The following ENOX1 variants were observed in gnomAD, a reference collection of about 807,000 sequenced individuals.
ENOX1 encodes ecto-NOX disulfide-thiol exchanger 1, also known as candidate growth-related and time keeping constitutive hydroquinone (NADH) oxidase.
ENOX1 carries 42 observed loss-of-function variants against 82.5 expected under a neutral mutation model. The observed-to-expected ratio is 0.51, with a 90% CI of 0.40 to 0.66. ENOX1 has a LOEUF of 0.66. ENOX1 is among the 30% of genes least tolerant of loss of function. The pLI, the probability that ENOX1 is intolerant of heterozygous loss-of-function variation, is 0.00. For synonymous variants in ENOX1, 271 were observed against 282.2 expected (o/e 0.96, Z 0.40); for missense variants, 608 against 811.6 (o/e 0.75, Z 3.05).
intron 2 of ENOX1, among the ~76,000 whole-genome samples, chr13:43,629,477 T>C (rs2083113355): frequency 6.6e-6 from 1 of 152,210 alleles, no homozygotes; most frequent in Non-Finnish European, 1.5e-5. Flanking sequence ...CCAGTCTACT[T>C]CCTCCTCTCT....
At chr13:43,721,101 C>A (rs377602534) in intron 1 of ENOX1, among the ~76,000 whole-genome samples, 2 of 152,062 alleles carry the variant, frequency 1.3e-5, no homozygotes, top group Non-Finnish European at 2.9e-5. Context: ...TGTGCACATA[C>A]CAAGAAGTGA....
intron 1 of ENOX1, among the ~76,000 whole-genome samples, chr13:43,688,675 C>G (rs1455168363): frequency 6.6e-6 from 1 of 152,148 alleles, no homozygotes; most frequent in Non-Finnish European, 1.5e-5. Context: ...GTGTGGCAAT[C>G]AGAATAGTAA....
intron 5 of ENOX1, among the ~76,000 whole-genome samples, chr13:43,364,988 A>C (rs528234670): frequency 2.6e-5 from 4 of 152,272 alleles, no homozygotes; most frequent in Non-Finnish European, 5.9e-5. Flanking sequence ...GACTGCAGGA[A>C]TTAGATCAGA....
At chr13:43,421,300 A>C (rs1321161825) in intron 3 of ENOX1, among the ~76,000 whole-genome samples, 2 of 152,214 alleles carry the variant, frequency 1.3e-5, no homozygotes, top group Non-Finnish European at 2.9e-5. Context: ...GTAAGATGAA[A>C]ATGTATTTAA....
At chr13:43,701,120 A>G (rs1478800771) in intron 1 of ENOX1, among the ~76,000 whole-genome samples, 1 of 152,176 alleles carries the variant, frequency 6.6e-6, no homozygotes, top group Non-Finnish European at 1.5e-5. Context: ...ATTTTTTTGC[A>G]AGAGACTCCA....
intron 2 of ENOX1, among the ~76,000 whole-genome samples, chr13:43,637,066 G>A (rs1375516235): frequency 5.3e-5 from 8 of 152,124 alleles, no homozygotes; most frequent in African/African-American, 1.4e-4. Flanking sequence ...AGTGGACTTC[G>A]TACACAATGA....
At chr13:43,356,211 C>T (rs1268719270) in intron 7 of ENOX1, 59 bp from the exon 8 acceptor site, 26 of 1,524,080 alleles carry the variant, frequency 1.7e-5, no homozygotes, top group Non-Finnish European at 2.2e-5. Context: ...AGTTTTGGTC[C>T]AGACCTTCAA....
intron 1 of ENOX1, among the ~76,000 whole-genome samples, chr13:43,699,483 G>A (rs1025659472): frequency 8.5e-5 from 13 of 152,168 alleles, no homozygotes; most frequent in Admixed American, 4.6e-4. Context: ...CTTTTTGAAT[G>A]AGCTGAAAAC....
chr13:43,760,121 G>T (rs1381338642), intron 1 of ENOX1, among the ~76,000 whole-genome samples: 1 of 152,166 alleles, frequency 6.6e-6, no homozygotes, highest in African/African-American at 2.4e-5. Flanking sequence ...AATACACTGA[G>T]AAAATATAGA....
chr13:43,470,368 ATATATATACATATATATACG>A lies in ENOX1; in HGVS notation c.-75+13621_-75+13640del, dbSNP rs1566307874. ...TATATATATATGTATATATATACGT[ATATATATACATATATATACG>A]TATATATATGTGTATATATATATAT... On this transcript the variant is annotated intron_variant, in intron 3 of 16. Coordinates refer to ENST00000690772, the MANE Select transcript of ENOX1 (RefSeq NM_001347969.2). Among the ~76,000 whole-genome samples the A allele has an allele frequency of 2.1e-3, 74 of 35,804 alleles. 11 individuals carry two copies. The highest frequency in any genetic ancestry group is 4.8e-3 in the African/African-American group (65 of 13,624). The allele number at this position is 35,804 out of a possible 152,430, so 23.5% of individuals were successfully genotyped here.
intron 11 of ENOX1, among the ~76,000 whole-genome samples, chr13:43,314,882 C>G (rs180911294): frequency 3.3e-5 from 5 of 152,330 alleles, no homozygotes; most frequent in African/African-American, 1.2e-4. Context: ...CTCTGACCAC[C>G]TCAAAGATTT....
rs147933265 is a variant in ENOX1, at chr13:43,580,592, C to T, written c.-219+86887G>A. The stretch of plus-strand genomic sequence containing the variant: ...CTTTGATGTCAGTGTGTGTCAGCCT[C>T]AGTTAAGCTGTTGCAAATCCTATAT... On this transcript the variant is annotated intron_variant, in intron 2 of 16. Coordinates refer to ENST00000690772, the MANE Select transcript of ENOX1 (RefSeq NM_001347969.2). 6.0e-4 allele frequency among the ~76,000 whole-genome samples: 91 copies of T among 152,344 alleles called. 2 individuals are homozygous for T. In the East Asian group the frequency reaches 0.017, roughly 28 times the overall value.
intron 2 of ENOX1, among the ~76,000 whole-genome samples, chr13:43,492,584 T>C (rs1301706445): frequency 6.6e-6 from 1 of 152,212 alleles, no homozygotes; most frequent in East Asian, 1.9e-4. Context: ...ATTATGTGAC[T>C]GGACTTTCCA....
chr13:43,216,245 C>T (rs1317911974), intron 16 of ENOX1, among the ~76,000 whole-genome samples: 1 of 152,158 alleles, frequency 6.6e-6, no homozygotes, highest in African/African-American at 2.4e-5. Context: ...TTTACTCTGG[C>T]TAGGCCTCAA....
chr13:43,654,292 G>A (rs1184746002), intron 2 of ENOX1, among the ~76,000 whole-genome samples: 2 of 152,084 alleles, frequency 1.3e-5, no homozygotes, highest in African/African-American at 4.8e-5. Flanking sequence ...CTTGCCCTAC[G>A]TATTTCATAC....
intron 1 of ENOX1, among the ~76,000 whole-genome samples, chr13:43,746,788 T>C (rs528687179): frequency 6.6e-6 from 1 of 152,280 alleles, no homozygotes; most frequent in African/African-American, 2.4e-5. Context: ...AGGGGACTCA[T>C]AACATATGGC....
chr13:43,387,468 C>A (rs1286375038), intron 5 of ENOX1, among the ~76,000 whole-genome samples: 1 of 152,050 alleles, frequency 6.6e-6, no homozygotes, highest in African/African-American at 2.4e-5. Context: ...GTGGACAGAG[C>A]CTGGTGGGTA....
intron 2 of ENOX1, among the ~76,000 whole-genome samples, chr13:43,626,626 T>C (rs1426906068): frequency 6.6e-6 from 1 of 151,930 alleles, no homozygotes; most frequent in Non-Finnish European, 1.5e-5. Flanking sequence ...CTGTTATCTC[T>C]AGCTTGATTT....
rs139688609 is a variant in ENOX1, at chr13:43,596,923, T to C, written c.-219+70556A>G. ...GCCCCACCCTCATGGAGTGTATCAG[T>C]CTGTTCTCACACGGCTCTAAAGAAC... On this transcript the variant is annotated intron_variant, in intron 2 of 16. Coordinates refer to ENST00000690772, the MANE Select transcript of ENOX1 (RefSeq NM_001347969.2). Among the ~76,000 whole-genome samples the C allele has an allele frequency of 3.9e-3, 591 of 152,262 alleles. 12 individuals are homozygous for C. The highest frequency in any genetic ancestry group is 4.8e-3 in the East Asian group (25 of 5,180).
Sources: gnomAD v4.1 joint callset for allele counts (sites outside exome capture counted in the v4.1 genomes callset) on GRCh38, gnomAD v4.1.1 for gene constraint, MANE v1.5 for transcripts, NCBI Gene and HGNC (gene_info 2026-07-23, HGNC 2026-07-21) for gene names.